PKIA: variants seen among roughly 807,000 people sequenced by gnomAD.
The protein encoded by PKIA is PKI-alpha.
PKIA carries 4 observed loss-of-function variants against 7.6 expected under a neutral mutation model. The observed-to-expected ratio is 0.52, with a 90% CI of 0.26 to 1.20. The LOEUF is 1.20. PKIA is among the 50% of genes most tolerant of loss of function. The pLI is 0.13. For missense variants in PKIA, 73 were observed against 86.2 expected (o/e 0.85, Z 0.61); for synonymous variants, 21 against 30.7 (o/e 0.68, Z 1.04).
At chr8:78,528,696 G>T (rs1156469769) in intron 1 of PKIA, among the ~76,000 whole-genome samples, 1 of 151,322 alleles carries the variant, frequency 6.6e-6, no homozygotes, top group Admixed American at 6.6e-5. Flanking sequence ...TCCAGGCATG[G>T]TGGCTCATGC....
intron 3 of PKIA, 58 bp downstream of exon 3, chr8:78,598,593 AAG>A: frequency 7.3e-7 from 1 of 1,379,258 alleles, no homozygotes; most frequent in African/African-American, 1.4e-5. Flanking sequence ...GCATTTTACT[AAG>A]AGGGATTAAG....
At chr8:78,520,147 A>G (rs1453476013) in intron 1 of PKIA, among the ~76,000 whole-genome samples, 1 of 152,126 alleles carries the variant, frequency 6.6e-6, no homozygotes, top group Non-Finnish European at 1.5e-5. Flanking sequence ...GAAATAAGTT[A>G]TTTTCCAGAG....
chr8:78,539,247 A>C (rs1436255928), intron 1 of PKIA, among the ~76,000 whole-genome samples: 1 of 152,070 alleles, frequency 6.6e-6, no homozygotes, highest in African/African-American at 2.4e-5. Flanking sequence ...TGAACATGAT[A>C]ATTCTTTTGT....
chr8:78,525,453 G>A (rs1165407695), intron 1 of PKIA, among the ~76,000 whole-genome samples: 1 of 151,878 alleles, frequency 6.6e-6, no homozygotes, highest in East Asian at 1.9e-4. Context: ...AAATTCAAAC[G>A]TGACACTAAA....
intron 1 of PKIA, among the ~76,000 whole-genome samples, chr8:78,538,583 G>C (rs1806594327): frequency 6.6e-6 from 1 of 151,964 alleles, no homozygotes; most frequent in African/African-American, 2.4e-5. Context: ...ACTAAGAAAA[G>C]TGTCAGGTAT....
At chr8:78,593,991 AAC>A (rs1490097613) in intron 2 of PKIA, among the ~76,000 whole-genome samples, 1 of 152,214 alleles carries the variant, frequency 6.6e-6, no homozygotes, top group Non-Finnish European at 1.5e-5. Context: ...AGTTCTATTT[AAC>A]ATATTCTTAT....
At chr8:78,564,534 T>C (rs924822183) in intron 1 of PKIA, among the ~76,000 whole-genome samples, 1 of 152,032 alleles carries the variant, frequency 6.6e-6, no homozygotes, top group African/African-American at 2.4e-5. Flanking sequence ...TTTGGTAATG[T>C]ACTTCATCTA....
intron 1 of PKIA, among the ~76,000 whole-genome samples, chr8:78,539,629 A>G (rs1004150980): frequency 1.3e-5 from 2 of 152,076 alleles, no homozygotes; most frequent in African/African-American, 4.8e-5. Context: ...TTAGCTAAGA[A>G]TGCTTTTTAC....
At chr8:78,563,095 T>C (rs2118523815) in intron 1 of PKIA, among the ~76,000 whole-genome samples, 1 of 152,268 alleles carries the variant, frequency 6.6e-6, no homozygotes, top group Middle Eastern at 3.4e-3. Flanking sequence ...TGTAATTAAT[T>C]AAATTTTGCT....
chr8:78,553,067 C>A, intron 1 of PKIA, among the ~76,000 whole-genome samples: 1 of 146,584 alleles, frequency 6.8e-6, no homozygotes. Flanking sequence ...ACACACATAA[C>A]GTATCTAATT....
intron 1 of PKIA, among the ~76,000 whole-genome samples, chr8:78,564,105 A>G (rs1374797768): frequency 6.6e-6 from 1 of 152,014 alleles, no homozygotes; most frequent in Non-Finnish European, 1.5e-5. Flanking sequence ...ATAAAGCAAC[A>G]CATCAGCTGA....
chr8:78,577,182 T>G (rs140397154), intron 2 of PKIA, among the ~76,000 whole-genome samples: 2,688 of 152,090 alleles, frequency 0.018, 87 homozygotes, highest in African/African-American at 0.061. Context: ...TGTATACATG[T>G]GCCATGTTGG....
chr8:78,601,731 T>C lies in PKIA; in HGVS notation c.152-11T>C, dbSNP rs113213300. On this transcript the variant is annotated splice_polypyrimidine_tract_variant and intron_variant, in intron 3 of 3. Transcript: ENST00000396418. ...TTTTGCCTTTATTCTGTTTTCGTTT[T>C]TCTTTTGCAGAAGGTGAAGAAGATG... The C allele has an allele frequency of 5.4e-4, 868 of 1,608,062 alleles. 8 individuals are homozygous for C. The highest frequency in any genetic ancestry group is 4.7e-3 in the African/African-American group (354 of 74,842).
At chr8:78,593,541 T>C (rs1461239340) in intron 2 of PKIA, among the ~76,000 whole-genome samples, 1 of 152,230 alleles carries the variant, frequency 6.6e-6, no homozygotes, top group African/African-American at 2.4e-5. Context: ...ATTTGCTAGA[T>C]TGATGTGCAT....
intron 2 of PKIA, among the ~76,000 whole-genome samples, chr8:78,596,153 C>G (rs796385467): frequency 4.6e-5 from 7 of 152,080 alleles, no homozygotes; most frequent in African/African-American, 1.7e-4. Flanking sequence ...TTGTTGGCCA[C>G]ATGTGTGTCT....
intron 1 of PKIA, among the ~76,000 whole-genome samples, chr8:78,543,358 T>C (rs546293221): frequency 9.2e-5 from 14 of 152,308 alleles, no homozygotes; most frequent in Middle Eastern, 6.8e-3. Flanking sequence ...GTATGTGGTC[T>C]GTATAAATGC....
intron 1 of PKIA, among the ~76,000 whole-genome samples, chr8:78,546,521 A>G (rs989666448): frequency 1.3e-5 from 2 of 152,174 alleles, no homozygotes; most frequent in Non-Finnish European, 2.9e-5. Context: ...CTAGCATTCA[A>G]TGTAACGTTA....
At chr8:78,530,732 T>C (rs1364511275) in intron 1 of PKIA, among the ~76,000 whole-genome samples, 1 of 152,084 alleles carries the variant, frequency 6.6e-6, no homozygotes, top group African/African-American at 2.4e-5. Context: ...CTAGTTCTAA[T>C]TTAAGTAGTA....
At chr8:78,576,250 A>G (rs1807672036) in intron 2 of PKIA, among the ~76,000 whole-genome samples, 1 of 151,994 alleles carries the variant, frequency 6.6e-6, no homozygotes, top group Non-Finnish European at 1.5e-5. Context: ...AAATCTTTTC[A>G]TCTGTTTAAT....
Sources: gnomAD v4.1 joint callset for allele counts (sites outside exome capture counted in the v4.1 genomes callset) on GRCh38, gnomAD v4.1.1 for gene constraint, MANE v1.5 for transcripts, NCBI Gene and HGNC (gene_info 2026-07-23, HGNC 2026-07-21) for gene names.